UTP4: variants seen among roughly 807,000 people sequenced by gnomAD.
UTP4 encodes the protein UTP4 small subunit processome component.
Under a neutral mutation model 82.4 loss-of-function variants are expected in UTP4, and 45 were observed. The observed-to-expected ratio is 0.55, with a 90% CI of 0.43 to 0.70. The LOEUF is 0.70. Ranked by LOEUF, UTP4 falls within the 30% of genes least tolerant of loss-of-function variation. The pLI, the probability that UTP4 is intolerant of heterozygous loss-of-function variation, is 0.00. For synonymous variants in UTP4, 348 were observed against 300.3 expected (o/e 1.16, Z -1.64); for missense variants, 819 against 858.3 (o/e 0.95, Z 0.57).
Position 69,136,779 on chromosome 16 carries a change from C to A in UTP4, c.243C>A (p.Gly81=), listed in dbSNP as rs746545988. 6.2e-7 allele frequency: 1 copy of A among 1,613,914 alleles called. No homozygotes were observed. The highest frequency in any genetic ancestry group is 8.5e-7 in the Non-Finnish European group (1 of 1,179,976). The stretch of plus-strand genomic sequence containing the variant: ...GACTCTTTAGTGCTGGGCTCAATGG[C>A]GAGATTATGGAGTATGATTTACAGG... ...GQRLFSAGLN[G]EIMEYDLQAL... is the part of the protein sequence containing the mutation. The change falls in exon 3 of 17, where the codon GGC becomes GGA. Residue 81 remains glycine (G), a synonymous_variant. Coordinates refer to ENST00000314423, the MANE Select transcript of UTP4 (RefSeq NM_032830.3).
At chr16:69,139,968 C>T in intron 5 of UTP4, 54 bp downstream of exon 5, 2 of 1,320,058 alleles carry the variant, frequency 1.5e-6, no homozygotes, top group Non-Finnish European at 2.2e-6. Context: ...ATTCACATTT[C>T]TGAGTTTTCA....
chr16:69,168,297 G>A (rs1963751435), intron 16 of UTP4, among the ~76,000 whole-genome samples: 2 of 152,010 alleles, frequency 1.3e-5, no homozygotes, highest in Non-Finnish European at 1.5e-5. Flanking sequence ...TTAGCCGGGC[G>A]TGGTGGTGGG....
rs762171150 is a variant in UTP4, at chr16:69,153,555, T to C, written c.1003-29T>C. The C allele has an allele frequency of 5.7e-6, 9 of 1,566,656 alleles. No homozygotes were observed. The South Asian group carries it at 1.0e-4, about 18-fold the overall frequency. ...AAGGCAGTAGATGACCCTGACTTAT[T>C]TTTTTAACTTCTTGATTCTTGGATA... is the stretch of plus-strand genomic sequence containing the variant. On this transcript the variant is annotated intron_variant, in intron 8 of 16. Transcript: ENST00000314423.
At chr16:69,145,742 C>T (rs771007779) in intron 6 of UTP4, among the ~76,000 whole-genome samples, 4 of 151,944 alleles carry the variant, frequency 2.6e-5, no homozygotes, top group Non-Finnish European at 5.9e-5. Context: ...TTGGAAAATG[C>T]TTTCCTTTCT....
At chr16:69,154,264 G>T in intron 9 of UTP4, 129 bp from the exon 10 acceptor site, 1 of 730,494 alleles carries the variant, frequency 1.4e-6, no homozygotes, top group South Asian at 1.7e-5. Flanking sequence ...AGCTTACTCA[G>T]TGAGCTTGTA....
intron 8 of UTP4, 25 bp downstream of exon 8, chr16:69,150,929 C>T: frequency 1.3e-6 from 2 of 1,551,144 alleles, no homozygotes; most frequent in Non-Finnish European, 1.8e-6. Context: ...CAAGCCCCTG[C>T]TAACCCCTCA....
chr16:69,138,453 G>C (rs761198058), intron 4 of UTP4, among the ~76,000 whole-genome samples: 1 of 152,106 alleles, frequency 6.6e-6, no homozygotes, highest in South Asian at 2.1e-4. Context: ...GGCCAGGCTG[G>C]TCTCGAACTC....
chr16:69,140,369 T>A (rs1962925090), intron 5 of UTP4, among the ~76,000 whole-genome samples: 1 of 152,142 alleles, frequency 6.6e-6, no homozygotes, highest in African/African-American at 2.4e-5. Flanking sequence ...ATTGATAGGG[T>A]TGATCTCAAC....
At position 69,157,304 on chromosome 16, in the gene UTP4, T is replaced by A. The variant is rs373309138; in HGVS notation, c.1444+64T>A. 1.1e-3 allele frequency: 1,673 copies of A among 1,545,448 alleles called. 26 individuals carry two copies. The South Asian group carries it at 0.018, about 17-fold the overall frequency. ...GTCTAAGATGTAACTTTTTTGCTTT[T>A]AAGCCTCCATGTCGGGGGTTCCCTC... is the stretch of plus-strand genomic sequence containing the variant. On this transcript the variant is annotated intron_variant, in intron 12 of 16. Transcript: ENST00000314423.
At chr16:69,145,256 T>C (rs1388287036) in intron 6 of UTP4, among the ~76,000 whole-genome samples, 4 of 152,110 alleles carry the variant, frequency 2.6e-5, no homozygotes, top group African/African-American at 4.8e-5. Context: ...TTGAGAAAAC[T>C]ACCCTTTTTA....
intron 12 of UTP4, among the ~76,000 whole-genome samples, chr16:69,158,428 T>C (rs1403507302): frequency 6.6e-6 from 1 of 151,804 alleles, no homozygotes; most frequent in African/African-American, 2.4e-5. Flanking sequence ...CCTCCCAAAG[T>C]GCTAGGATTA....
chr16:69,149,100 C>G (rs1963194193), intron 6 of UTP4, among the ~76,000 whole-genome samples: 1 of 151,414 alleles, frequency 6.6e-6, no homozygotes, highest in Non-Finnish European at 1.5e-5. Context: ...TAAATACAAG[C>G]CTGGGCACGG....
chr16:69,154,843 T>G (rs1353388044), intron 10 of UTP4, among the ~76,000 whole-genome samples: 1 of 152,010 alleles, frequency 6.6e-6, no homozygotes, highest in Non-Finnish European at 1.5e-5. Flanking sequence ...ATTCTCCTGC[T>G]TTAGCCCCCC....
chr16:69,133,223 G>T (rs1017234468), intron 1 of UTP4, among the ~76,000 whole-genome samples: 1 of 151,974 alleles, frequency 6.6e-6, no homozygotes, highest in Admixed American at 6.6e-5. Flanking sequence ...CTGGAGCTAT[G>T]GAGTAGGACC....
intron 14 of UTP4, 93 bp from the exon 15 acceptor site, chr16:69,165,248 C>G: frequency 9.1e-7 from 1 of 1,104,970 alleles, no homozygotes; most frequent in Non-Finnish European, 1.4e-6. Context: ...ACAGTTGAAG[C>G]TTTGTATAGA....
Position 69,133,521 on chromosome 16 carries a change from G to C in UTP4, c.62G>C (p.Cys21Ser). The change falls in exon 2 of 17, where the codon TGT becomes TCT. Residue 21 changes from cysteine to serine, a missense_variant. Physicochemically the swap from Cys to Ser is moderately radical, Grantham distance 112. Coordinates refer to ENST00000314423, the MANE Select transcript of UTP4 (RefSeq NM_032830.3). The part of the protein sequence containing the change: ...FFNYVPSGIR[C>S]VAYNNQSNRL... ...AATTATGTTCCATCAGGAATCCGCT[G>C]TGTGGCTTACAATAACCAGTCAAAC... 1.2e-6 allele frequency: 2 copies of C among 1,614,178 alleles called. No homozygotes were observed. The highest frequency in any genetic ancestry group is 1.7e-6 in the Non-Finnish European group (2 of 1,180,012).
chr16:69,165,096 G>A (rs1337014002), intron 14 of UTP4, among the ~76,000 whole-genome samples: 4 of 152,034 alleles, frequency 2.6e-5, no homozygotes, highest in Non-Finnish European at 5.9e-5. Flanking sequence ...TTGGGAGGCT[G>A]AGGCAGGAGA....
Position 69,136,748 on chromosome 16 carries a change from G to T in UTP4, c.212G>T (p.Gly71Val), listed in dbSNP as rs1223319182. ...RATEALCWAE[G>V]QRLFSAGLNG... ...ACAGAAGCTTTGTGCTGGGCAGAAG[G>T]ACAGCGACTCTTTAGTGCTGGGCTC... The change falls in exon 3 of 17, where the codon GGA becomes GTA. Residue 71 changes from glycine (G) to valine (V), a missense_variant. Gly to Val is a moderately radical substitution (Grantham distance 109, BLOSUM62 -3). Transcript: ENST00000314423. 6.2e-7 allele frequency: 1 copy of T among 1,614,104 alleles called. No individual in the cohort carries two copies. Among genetic ancestry groups the T allele is most frequent in the Non-Finnish European group, 8.5e-7 (1 of 1,179,974 alleles).
intron 13 of UTP4, among the ~76,000 whole-genome samples, chr16:69,162,794 C>T (rs1963597280): frequency 6.7e-6 from 1 of 149,934 alleles, no homozygotes. Flanking sequence ...GAGGCTGAGG[C>T]AGGAGAATCA....
Sources: gnomAD v4.1 joint callset for allele counts (sites outside exome capture counted in the v4.1 genomes callset) on GRCh38, gnomAD v4.1.1 for gene constraint, MANE v1.5 for transcripts, NCBI Gene and HGNC (gene_info 2026-07-23, HGNC 2026-07-21) for gene names.